Variants in ATP11B observed in about 807,000 individuals in gnomAD.
ATP11B encodes the protein phospholipid-transporting ATPase IF.
In ATP11B, 81 loss-of-function variants were observed where a neutral mutation model predicts 157.8. That is an observed-to-expected ratio of 0.51 (90% confidence interval 0.43 to 0.62). ATP11B has a LOEUF of 0.62. Ranked by LOEUF, ATP11B falls within the 20% of genes least tolerant of loss-of-function variation. ATP11B has a pLI of 0.00. For missense variants in ATP11B, 1,165 were observed against 1,402.2 expected (o/e 0.83, Z 2.70); for synonymous variants, 451 against 469.4 (o/e 0.96, Z 0.51).
At chr3:182,917,128 A>G in intron 29 of ATP11B, 2 of 985,358 alleles carry the variant, frequency 2.0e-6, no homozygotes, top group South Asian at 4.7e-5. Flanking sequence ...ATATTTGACA[A>G]AGGTGAATTG....
Position 182,793,749 on chromosome 3 carries a change from A to G in ATP11B, c.-11A>G. 7.1e-7 allele frequency: 1 copy of G among 1,409,774 alleles called. No individual in the cohort carries two copies. The highest frequency in any genetic ancestry group is 9.3e-7 in the Non-Finnish European group (1 of 1,076,372). The allele number at this position is 1,409,774 out of a possible 1,614,324, so 87.3% of individuals were successfully genotyped here. A position where few individuals can be genotyped will look rare whatever the true frequency, so the allele number is the denominator to read the frequency against. ...CGCGCCCCGCGGGACCCGGACGGCG[A>G]CGACGGGGGAATGTGGCGCTGGATC... On this transcript the variant is annotated 5_prime_UTR_variant, in exon 1 of 30. Transcript: ENST00000323116.
intron 4 of ATP11B, among the ~76,000 whole-genome samples, chr3:182,835,008 CA>C: frequency 6.6e-6 from 1 of 152,134 alleles, no homozygotes; most frequent in African/African-American, 2.4e-5. Flanking sequence ...ATAAGGAAGA[CA>C]ATATATTTAC....
At chr3:182,832,839 A>G (rs947529187) in intron 4 of ATP11B, among the ~76,000 whole-genome samples, 7 of 152,214 alleles carry the variant, frequency 4.6e-5, no homozygotes, top group African/African-American at 9.6e-5. Context: ...TTATGGTTCA[A>G]TAGAGTAGTA....
chr3:182,862,718 A>G (rs899421055), intron 12 of ATP11B, among the ~76,000 whole-genome samples: 11 of 152,050 alleles, frequency 7.2e-5, no homozygotes, highest in Non-Finnish European at 1.3e-4. Context: ...AAGTTCTGGT[A>G]CATCAGTTAC....
At chr3:182,914,288 T>C (rs941947956) in intron 29 of ATP11B, 5 of 1,082,244 alleles carry the variant, frequency 4.6e-6, no homozygotes, top group Non-Finnish European at 4.5e-6. Context: ...TTTATGGTAC[T>C]CTTTTATGGT....
At chr3:182,902,420 T>C in intron 28 of ATP11B, 1 of 1,000,646 alleles carries the variant, frequency 1.0e-6, no homozygotes, top group Non-Finnish European at 1.4e-6. Flanking sequence ...GTCTGTCTCT[T>C]AGGTGATGAA....
chr3:182,839,641 G>A (rs894077632), intron 7 of ATP11B, among the ~76,000 whole-genome samples: 7 of 60,664 alleles, frequency 1.2e-4, no homozygotes, highest in Non-Finnish European at 2.0e-4. Flanking sequence ...ACAGTGTCTC[G>A]CTCTGTTGCC....
At chr3:182,837,460 T>C (rs994177238) in intron 7 of ATP11B, among the ~76,000 whole-genome samples, 2 of 152,130 alleles carry the variant, frequency 1.3e-5, no homozygotes, top group African/African-American at 2.4e-5. Flanking sequence ...ACAGTAGTTA[T>C]AGTAGACATA....
chr3:182,852,365 A>C (rs1484402214), intron 10 of ATP11B, among the ~76,000 whole-genome samples: 1 of 152,230 alleles, frequency 6.6e-6, no homozygotes, highest in Non-Finnish European at 1.5e-5. Flanking sequence ...AAAAAAACTA[A>C]AAAATTACGA....
intron 25 of ATP11B, among the ~76,000 whole-genome samples, chr3:182,889,857 G>A (rs1456500996): frequency 6.6e-6 from 1 of 152,068 alleles, no homozygotes; most frequent in Non-Finnish European, 1.5e-5. Context: ...ATTGATAGCT[G>A]CCATTTATCT....
intron 17 of ATP11B, among the ~76,000 whole-genome samples, chr3:182,871,507 T>TC (rs1721651789): frequency 6.6e-6 from 1 of 152,210 alleles, no homozygotes; most frequent in Non-Finnish European, 1.5e-5. Flanking sequence ...TTGGTAAATC[T>TC]AAAAAGTATT....
intron 29 of ATP11B, chr3:182,915,846 C>T (rs986482499): frequency 4.6e-5 from 45 of 971,722 alleles, no homozygotes; most frequent in South Asian, 1.9e-4. Flanking sequence ...CTTAAAATTG[C>T]GCCATATTGT....
At chr3:182,862,082 C>A (rs1720885626) in intron 12 of ATP11B, among the ~76,000 whole-genome samples, 1 of 151,606 alleles carries the variant, frequency 6.6e-6, no homozygotes, top group South Asian at 2.1e-4. Flanking sequence ...CCCATCTCTA[C>A]AAAAAAATAC....
At chr3:182,827,074 A>G (rs1330145593) in intron 2 of ATP11B, among the ~76,000 whole-genome samples, 1 of 152,188 alleles carries the variant, frequency 6.6e-6, no homozygotes, top group African/African-American at 2.4e-5. Context: ...AAGGAGTAGT[A>G]TATGTGCTAG....
intron 10 of ATP11B, among the ~76,000 whole-genome samples, chr3:182,855,212 C>G (rs1045872207): frequency 6.6e-6 from 1 of 152,084 alleles, no homozygotes; most frequent in Non-Finnish European, 1.5e-5. Context: ...ATACATAGAT[C>G]AGTGTTACAC....
intron 9 of ATP11B, 41 bp downstream of exon 9, chr3:182,845,563 T>C: frequency 7.4e-7 from 1 of 1,349,054 alleles, no homozygotes; most frequent in Non-Finnish European, 1.0e-6. Flanking sequence ...TGATTTGTGT[T>C]GATGCTTTAT....
At chr3:182,826,356 G>A (rs1407464934) in intron 2 of ATP11B, among the ~76,000 whole-genome samples, 1 of 152,130 alleles carries the variant, frequency 6.6e-6, no homozygotes, top group Admixed American at 6.5e-5. Flanking sequence ...TCAGGATTCT[G>A]GAATACAAAA....
intron 21 of ATP11B, among the ~76,000 whole-genome samples, chr3:182,882,042 T>C (rs1368129706): frequency 6.6e-6 from 1 of 152,194 alleles, no homozygotes; most frequent in Non-Finnish European, 1.5e-5. Flanking sequence ...TATACTCTTA[T>C]TGTATAAATA....
At chr3:182,904,222 C>G (rs1455225324) in intron 28 of ATP11B, among the ~76,000 whole-genome samples, 1 of 152,204 alleles carries the variant, frequency 6.6e-6, no homozygotes, top group Non-Finnish European at 1.5e-5. Flanking sequence ...CCTCCAGGTT[C>G]TTCACCTGTC....
Sources: allele counts gnomAD v4.1 joint callset (sites outside exome capture counted in the v4.1 genomes callset), GRCh38; gene constraint gnomAD v4.1.1; transcripts MANE v1.5; gene names NCBI Gene and HGNC (gene_info 2026-07-23, HGNC 2026-07-21).